Variants in TULP4 observed in about 807,000 individuals in gnomAD.
TULP4 encodes the protein TUB like protein 4.
In TULP4, 16 loss-of-function variants were observed where a neutral mutation model predicts 129.0. The ratio of observed to expected loss-of-function variants is 0.12; its 90% confidence interval spans 0.08 to 0.19. TULP4 has a LOEUF of 0.19. Ranked by LOEUF, TULP4 falls within the 10% of genes least tolerant of loss-of-function variation. The probability of loss-of-function intolerance (pLI) is 1.00; values close to 1 mark genes in which losing one functional copy is unlikely to be tolerated. For synonymous variants in TULP4, 998 were observed against 854.0 expected (o/e 1.17, Z -2.94); for missense variants, 1,842 against 2,059.1 (o/e 0.89, Z 2.04).
At position 158,390,970 on chromosome 6, in the gene TULP4, G is replaced by A. The variant is rs1049621454; in HGVS notation, c.253-22095G>A. ...ATGTGGGGGTCTGAACCTGTAGTCT[G>A]GAAGGCTGAGGCGGGAGAATTGCTT... On this transcript the variant is annotated intron_variant, in intron 1 of 13. Transcript: ENST00000367097. Among the ~76,000 whole-genome samples the A allele has an allele frequency of 1.1e-4, 16 of 152,266 alleles. No homozygotes were observed. In the East Asian group the frequency reaches 2.3e-3, roughly 22 times the overall value.
intron 1 of TULP4, among the ~76,000 whole-genome samples, chr6:158,387,694 G>A (rs139188735): frequency 6.6e-6 from 1 of 152,124 alleles, no homozygotes; most frequent in Non-Finnish European, 1.5e-5. Context: ...CATACATTGT[G>A]GCTTCTTTTT....
At chr6:158,243,697 T>G (rs1209864539) in intron 1 of TULP4, among the ~76,000 whole-genome samples, 6 of 152,146 alleles carry the variant, frequency 3.9e-5, no homozygotes, top group Non-Finnish European at 8.8e-5. Context: ...CAATTTTATT[T>G]TTTTGTGAGG....
At chr6:158,318,548 C>CT (rs1351640684) in intron 1 of TULP4, among the ~76,000 whole-genome samples, 1 of 152,146 alleles carries the variant, frequency 6.6e-6, no homozygotes, top group African/African-American at 2.4e-5. Flanking sequence ...AAAACTCAGG[C>CT]TTTAAAGATG....
intron 1 of TULP4, chr6:158,237,825 A>C (rs112542076): frequency 0.033 from 24,969 of 764,144 alleles, 514 homozygotes; most frequent in Non-Finnish European, 0.039. Flanking sequence ...ATGATGGCAA[A>C]TGTTTACTAA....
chr6:158,258,923 A>T (rs951975128), intron 1 of TULP4, among the ~76,000 whole-genome samples: 2 of 152,238 alleles, frequency 1.3e-5, no homozygotes, highest in Non-Finnish European at 2.9e-5. Flanking sequence ...CTGAAAAAAC[A>T]GGATAAATAT....
intron 1 of TULP4, among the ~76,000 whole-genome samples, chr6:158,290,414 A>G (rs1778915090): frequency 6.6e-6 from 1 of 152,086 alleles, no homozygotes; most frequent in Non-Finnish European, 1.5e-5. Flanking sequence ...CTAGTTGTTA[A>G]TCCTTTGTTG....
chr6:158,432,688 C>T (rs1350387114), intron 3 of TULP4, among the ~76,000 whole-genome samples: 1 of 152,192 alleles, frequency 6.6e-6, no homozygotes, highest in Non-Finnish European at 1.5e-5. Flanking sequence ...TGGTGAAACC[C>T]CGTCTGTACT....
In TULP4 at chr6:158,446,917, A is replaced by G. The variant is rs140592732; in HGVS notation, c.544-2079A>G. 2.6e-3 allele frequency among the ~76,000 whole-genome samples: 389 copies of G among 152,260 alleles called. 4 individuals carry two copies. Among genetic ancestry groups the G allele is most frequent in the African/African-American group, 9.0e-3 (375 of 41,552 alleles). On this transcript the variant is annotated intron_variant, in intron 3 of 13. Transcript: ENST00000367097. Reference sequence around the variant, plus strand: ...CGCCCCACCCTCACGACCTTGTCTAAACTGAATCATCCCCCAAAGACCTTA... The same window carrying G: ...CGCCCCACCCTCACGACCTTGTCTAGACTGAATCATCCCCCAAAGACCTTA...
At chr6:158,401,391 C>A (rs1467705468) in intron 1 of TULP4, among the ~76,000 whole-genome samples, 1 of 152,146 alleles carries the variant, frequency 6.6e-6, no homozygotes, top group Non-Finnish European at 1.5e-5. Flanking sequence ...TTTTATGAAG[C>A]TGTTTTTCCC....
chr6:158,476,076 G>A (rs897942681), intron 6 of TULP4, among the ~76,000 whole-genome samples: 2 of 152,172 alleles, frequency 1.3e-5, no homozygotes, highest in Non-Finnish European at 2.9e-5. Context: ...GGCAGTTCTT[G>A]TTATCTGTCA....
At chr6:158,381,715 A>C (rs569034857) in intron 1 of TULP4, among the ~76,000 whole-genome samples, 3 of 152,336 alleles carry the variant, frequency 2.0e-5, no homozygotes, top group African/African-American at 7.2e-5. Flanking sequence ...GTAAATGGCT[A>C]CCTAGCTAAG....
At chr6:158,491,435 T>TTTGAGGAGTC in intron 9 of TULP4, among the ~76,000 whole-genome samples, 1 of 10,892 alleles carries the variant, frequency 9.2e-5, no homozygotes, top group African/African-American at 4.4e-4. Flanking sequence ...CTTTCTTTCT[T>TTTGAGGAGTC]TCTTTCTTTT....
intron 1 of TULP4, among the ~76,000 whole-genome samples, chr6:158,362,154 G>C (rs1780805726): frequency 6.6e-6 from 1 of 152,154 alleles, no homozygotes; most frequent in Admixed American, 6.6e-5. Flanking sequence ...CTCTTGCCCA[G>C]GGATATGAAC....
intron 8 of TULP4, among the ~76,000 whole-genome samples, chr6:158,486,488 G>C (rs1406218054): frequency 6.6e-6 from 1 of 152,084 alleles, no homozygotes; most frequent in Non-Finnish European, 1.5e-5. Flanking sequence ...GGGAGGCGGA[G>C]CTTGCAGTGA....
chr6:158,425,304 G>T (rs1033219562), intron 2 of TULP4, among the ~76,000 whole-genome samples: 1 of 151,568 alleles, frequency 6.6e-6, no homozygotes, highest in Admixed American at 6.6e-5. Flanking sequence ...ACCTGAGGTC[G>T]GGAGTTCGAG....
intron 1 of TULP4, among the ~76,000 whole-genome samples, chr6:158,396,654 A>G (rs1476239905): frequency 1.3e-5 from 2 of 152,244 alleles, no homozygotes; most frequent in African/African-American, 4.8e-5. Flanking sequence ...TGTAAAATGC[A>G]TAAAAAGAAG....
intron 1 of TULP4, among the ~76,000 whole-genome samples, chr6:158,386,972 T>C (rs1777463002): frequency 6.6e-6 from 1 of 151,998 alleles, no homozygotes; most frequent in Non-Finnish European, 1.5e-5. Context: ...TTGACAGAAA[T>C]GAACAGGTGA....
rs796679394 is a variant in TULP4, at chr6:158,511,058, C to A, written c.*4364C>A. The A allele has an allele frequency of 5.9e-5, 9 of 152,742 alleles. No individual in the cohort carries two copies. The highest frequency in any genetic ancestry group is 2.2e-4 in the African/African-American group (9 of 41,572). 9.5% of individuals were successfully genotyped at this position (152,742 alleles called of 1,614,324 possible). A position where few individuals can be genotyped will look rare whatever the true frequency, so the allele number is the denominator to read the frequency against. ...TCTTCAGCATTTGTGTGATTCCTTA[C>A]CTCTGGCTGATAAAACTCTAATGGG... On this transcript the variant is annotated 3_prime_UTR_variant, in exon 14 of 14. Coordinates refer to ENST00000367097, the MANE Select transcript of TULP4 (RefSeq NM_020245.5).
chr6:158,275,728 G>A (rs963757032), intron 1 of TULP4, among the ~76,000 whole-genome samples: 2 of 152,158 alleles, frequency 1.3e-5, no homozygotes, highest in African/African-American at 2.4e-5. Context: ...AAGCAAAAAC[G>A]TAGAATTTGG....
Sources: gnomAD v4.1 joint callset for allele counts (sites outside exome capture counted in the v4.1 genomes callset) on GRCh38, gnomAD v4.1.1 for gene constraint, MANE v1.5 for transcripts, NCBI Gene and HGNC (gene_info 2026-07-23, HGNC 2026-07-21) for gene names.